CCDC18: variants seen among roughly 807,000 people sequenced by gnomAD.
The protein encoded by CCDC18 is coiled-coil domain-containing protein 18.
Under a neutral mutation model 196.0 loss-of-function variants are expected in CCDC18, and 157 were observed. That is an observed-to-expected ratio of 0.80 (90% CI 0.70 to 0.91). The LOEUF is 0.91. CCDC18 is among the 40% of genes least tolerant of loss of function. The pLI, the probability that CCDC18 is intolerant of heterozygous loss-of-function variation, is 0.00. For missense variants in CCDC18, 1,465 were observed against 1,611.6 expected (o/e 0.91, Z 1.56); for synonymous variants, 482 against 529.2 (o/e 0.91, Z 1.22).
intron 16 of CCDC18, among the ~76,000 whole-genome samples, chr1:93,222,545 C>T (rs1190934267): frequency 1.3e-5 from 2 of 152,094 alleles, no homozygotes; most frequent in Non-Finnish European, 2.9e-5. Context: ...TAAAATACGG[C>T]TTTCTGGCTA....
intron 23 of CCDC18, among the ~76,000 whole-genome samples, chr1:93,254,253 G>A (rs1002471279): frequency 4.6e-5 from 7 of 152,264 alleles, no homozygotes; most frequent in Middle Eastern, 3.4e-3. Flanking sequence ...GATTCCTGTT[G>A]TTGTGGGGGA....
At chr1:93,247,022 C>T in intron 23 of CCDC18, 68 bp downstream of exon 23, 2 of 681,712 alleles carry the variant, frequency 2.9e-6, no homozygotes, top group South Asian at 3.5e-5. Context: ...CTAAAAACAC[C>T]CCTTCAAATA....
intron 14 of CCDC18, among the ~76,000 whole-genome samples, chr1:93,218,763 C>T (rs1365526794): frequency 1.3e-5 from 2 of 152,048 alleles, no homozygotes; most frequent in Admixed American, 6.6e-5. Context: ...CTGGCTCAGC[C>T]TCCCAATGTG....
chr1:93,244,733 C>G (rs1284291121), intron 21 of CCDC18, among the ~76,000 whole-genome samples: 1 of 152,040 alleles, frequency 6.6e-6, no homozygotes, highest in African/African-American at 2.4e-5. Flanking sequence ...ATGAATTTTA[C>G]CACAGTTAAA....
Position 93,264,740 on chromosome 1 carries a change from T to G in CCDC18, c.3724T>G (p.Ser1242Ala). Residue 1242 changes from serine (S) to alanine (A), a missense_variant, in exon 27 of 29, where the codon TCT (serine) becomes GCT (alanine). Coordinates refer to ENST00000690025, the MANE Select transcript of CCDC18 (RefSeq NM_001378204.1). ...HQENHAKWKI[S>A]ADSQKSSVQQ... ...AGAGAACCATGCAAAGTGGAAGATT[T>G]CTGCTGACTCTCAAAAGTCTTCTGT... 1.2e-6 allele frequency: 2 copies of G among 1,613,344 alleles called. No homozygotes were observed. Among genetic ancestry groups the G allele is most frequent in the Non-Finnish European group, 1.7e-6 (2 of 1,179,452 alleles).
intron 19 of CCDC18, 29 bp from the exon 20 acceptor site, chr1:93,239,281 T>TA (rs1274866510): frequency 6.9e-7 from 1 of 1,458,746 alleles, no homozygotes; most frequent in South Asian, 1.6e-5. Context: ...GTTTCTAAAT[T>TA]ACCTGTTTTA....
At chr1:93,180,103 C>T, upstream of CCDC18, 1 of 1,613,786 alleles carries the variant, frequency 6.2e-7, no homozygotes, top group Non-Finnish European at 8.5e-7. Context: ...CTGGTAGAAG[C>T]ACTCCTTCTG....
chr1:93,277,713 C>A (rs1421519108), intron 28 of CCDC18, among the ~76,000 whole-genome samples: 3 of 151,946 alleles, frequency 2.0e-5, no homozygotes, highest in Non-Finnish European at 2.9e-5. Context: ...TCTACACAGA[C>A]ACAGTAACAA....
At chr1:93,213,543 A>G (rs1034966390) in intron 11 of CCDC18, among the ~76,000 whole-genome samples, 2 of 151,118 alleles carry the variant, frequency 1.3e-5, no homozygotes, top group South Asian at 2.1e-4. Context: ...GGTGTATTCC[A>G]CTACTTTTTT....
At chr1:93,208,500 T>G (rs774242415) in intron 9 of CCDC18, among the ~76,000 whole-genome samples, 2 of 151,968 alleles carry the variant, frequency 1.3e-5, no homozygotes, top group African/African-American at 2.4e-5. Context: ...TTTCACCACA[T>G]TGGTCAAACG....
intron 16 of CCDC18, among the ~76,000 whole-genome samples, chr1:93,224,787 T>TA (rs753044824): frequency 2.0e-5 from 3 of 152,244 alleles, no homozygotes; most frequent in Non-Finnish European, 4.4e-5. Flanking sequence ...AATGAGTTAT[T>TA]ACACTGTTAA....
intron 8 of CCDC18, among the ~76,000 whole-genome samples, chr1:93,205,911 C>T (rs776587608): frequency 5.9e-5 from 9 of 152,034 alleles, no homozygotes; most frequent in Non-Finnish European, 1.3e-4. Context: ...TGATGTATAA[C>T]CACATTAACT....
chr1:93,270,214 A>C, intron 27 of CCDC18, 133 bp from the exon 28 acceptor site: 1 of 619,452 alleles, frequency 1.6e-6, no homozygotes, highest in Non-Finnish European at 2.8e-6. Flanking sequence ...AGCTTGGAAA[A>C]CTCTCAAGAA....
chr1:93,247,488 C>T (rs1161903025), intron 23 of CCDC18, among the ~76,000 whole-genome samples: 1 of 152,106 alleles, frequency 6.6e-6, no homozygotes, highest in Non-Finnish European at 1.5e-5. Flanking sequence ...GATCATAGCT[C>T]ACTGCCGCCT....
intron 24 of CCDC18, among the ~76,000 whole-genome samples, chr1:93,255,046 G>A (rs186792001): frequency 2.2e-5 from 3 of 138,654 alleles, no homozygotes; most frequent in Non-Finnish European, 4.6e-5. Flanking sequence ...TCTGCTTTCC[G>A]GGTTCCAGTG....
chr1:93,190,008 C>T (rs1194533358), intron 4 of CCDC18, among the ~76,000 whole-genome samples: 3 of 152,088 alleles, frequency 2.0e-5, no homozygotes, highest in Non-Finnish European at 4.4e-5. Flanking sequence ...TTTTGCACTT[C>T]TATTAAATCT....
At chr1:93,235,195 G>A (rs1659911885) in intron 18 of CCDC18, among the ~76,000 whole-genome samples, 2 of 151,924 alleles carry the variant, frequency 1.3e-5, no homozygotes, top group African/African-American at 4.8e-5. Context: ...GGATATGCAG[G>A]TCAGAGTTGA....
chr1:93,271,867 T>C (rs1026969846), intron 28 of CCDC18, among the ~76,000 whole-genome samples: 1 of 152,212 alleles, frequency 6.6e-6, no homozygotes, highest in Admixed American at 6.5e-5. Context: ...ATTCCCCCTT[T>C]TGATATTTTC....
At position 93,270,562 on chromosome 1, in the gene CCDC18, T is replaced by G; in HGVS notation, c.4101T>G (p.Asp1367Glu). ...ATCTTACTTTCAAAATTCATGGTGA[T>G]GAAGATCTTTCTGAAGAATTACTAC... is the stretch of plus-strand genomic sequence containing the variant. The part of the protein sequence containing the change: ...ASDLTFKIHG[D>E]EDLSEELLQD... The change falls in exon 28 of 29, where the codon GAT (aspartate) becomes GAG (glutamate). Residue 1367 changes from aspartate (D) to glutamate (E), a missense_variant. Physicochemically the swap from Asp to Glu is conservative, Grantham distance 45 (BLOSUM62 2). Transcript: ENST00000690025. 1 of 1,550,450 alleles carries G rather than the reference T, an allele frequency of 6.4e-7. No homozygotes were observed. Among genetic ancestry groups the G allele is most frequent in the African/African-American group, 1.4e-5 (1 of 73,160 alleles).
Sources: gnomAD v4.1 joint callset for allele counts (sites outside exome capture counted in the v4.1 genomes callset) on GRCh38, gnomAD v4.1.1 for gene constraint, MANE v1.5 for transcripts, NCBI Gene and HGNC (gene_info 2026-07-23, HGNC 2026-07-21) for gene names.